LINC00632: variants seen among roughly 807,000 people sequenced by gnomAD.
LINC00632 encodes the protein long independently transcribed non-coding RNA 632.
intron 2 of LINC00632, among the ~76,000 whole-genome samples, chrX:140,729,125 A>G (rs1403345996): frequency 9.0e-6 from 1 of 111,144 alleles, no homozygotes; most frequent in Admixed American, 9.7e-5. Flanking sequence ...AAATTGCATT[A>G]TAATGCAGGC....
chrX:140,717,286 G>A (rs963772231), intron 2 of LINC00632, among the ~76,000 whole-genome samples: 26 of 110,037 alleles, frequency 2.4e-4, no homozygotes, highest in African/African-American at 7.6e-4. Flanking sequence ...TGGCCACAAC[G>A]CATTTTACAC....
rs143559714 is a variant in LINC00632 at position 140,784,205 on chromosome X, G to A, written n.12224G>A. 401 of 1,210,129 alleles carry A rather than the reference G, an allele frequency of 3.3e-4. 1 individual carries two copies. The African/African-American group carries it at 5.8e-3, about 18-fold the overall frequency. On this transcript the variant is annotated non_coding_transcript_exon_variant, in exon 5 of 5. Coordinates refer to ENST00000648200, the Ensembl canonical transcript of LINC00632. ...AATCCGTGTCTTCCAGCAAATCCAC[G>A]TCTTCCAACAAAGCCATGTCTTCCA...
chrX:140,713,863 A>G (rs763118511), intron 2 of LINC00632: 7 of 291,473 alleles, frequency 2.4e-5, no homozygotes, highest in African/African-American at 8.3e-5. Flanking sequence ...ACTATGACAC[A>G]CAGACAATCC....
At chrX:140,725,255 C>T (rs1402077605) in intron 2 of LINC00632, among the ~76,000 whole-genome samples, 4 of 88,295 alleles carry the variant, frequency 4.5e-5, no homozygotes, top group East Asian at 3.9e-4. Context: ...ACACACATTC[C>T]GTACACACAC....
intron 2 of LINC00632, among the ~76,000 whole-genome samples, chrX:140,732,872 T>C (rs1196331832): frequency 9.1e-6 from 1 of 110,103 alleles, no homozygotes; most frequent in African/African-American, 3.3e-5. Context: ...CAAGCAGTTC[T>C]CTGCCTCAGC....
chrX:140,742,999 C>T (rs5907626), intron 3 of LINC00632, among the ~76,000 whole-genome samples: 37,363 of 107,207 alleles, frequency 0.35, 5,804 homozygotes, highest in East Asian at 0.66. Context: ...CCAAGGAGAG[C>T]GGATCATCAG....
At chrX:140,747,889 G>A (rs887860120) in intron 3 of LINC00632, among the ~76,000 whole-genome samples, 3 of 111,705 alleles carry the variant, frequency 2.7e-5, no homozygotes, top group Non-Finnish European at 5.6e-5. Flanking sequence ...GTGCAATGGC[G>A]TGATCTCGGC....
intron 2 of LINC00632, among the ~76,000 whole-genome samples, chrX:140,728,326 G>A (rs1930999689): frequency 9.1e-6 from 1 of 109,936 alleles, no homozygotes; most frequent in Non-Finnish European, 1.9e-5. Context: ...ACAACTTACA[G>A]AGGACACATG....
intron 3 of LINC00632, among the ~76,000 whole-genome samples, chrX:140,770,593 T>C (rs1931773210): frequency 8.9e-6 from 1 of 111,863 alleles, no homozygotes; most frequent in East Asian, 2.8e-4. Flanking sequence ...ACTGATAACA[T>C]TGTATATCTA....
At chrX:140,768,617 CATA>C (rs1430949356) in intron 3 of LINC00632, among the ~76,000 whole-genome samples, 5 of 80,249 alleles carry the variant, frequency 6.2e-5, no homozygotes, top group South Asian at 6.9e-4. Flanking sequence ...ATATTTATCA[CATA>C]ATAAATATAT....
At chrX:140,779,817 T>C (rs1249586507) in exon 5 of LINC00632, among the ~76,000 whole-genome samples, 1 of 111,830 alleles carries the variant, frequency 8.9e-6, no homozygotes, top group Non-Finnish European at 1.9e-5. Flanking sequence ...TACTTGGCAG[T>C]GGTATGGTGA....
chrX:140,782,555 A>G (rs774477513), exon 5 of LINC00632: 2 of 111,735 alleles, frequency 1.8e-5, no homozygotes, highest in East Asian at 2.8e-4. Flanking sequence ...TAATCCTCCA[A>G]TGTCTCCTAT....
intron 3 of LINC00632, among the ~76,000 whole-genome samples, chrX:140,759,319 TCC>T (rs1337942430): frequency 1.9e-4 from 15 of 79,339 alleles, no homozygotes; most frequent in Admixed American, 4.2e-4. Flanking sequence ...CTTCCTTCCT[TCC>T]TTCCTTCCTT....
intron 2 of LINC00632, among the ~76,000 whole-genome samples, chrX:140,723,927 C>T (rs771652996): frequency 2.8e-5 from 3 of 105,376 alleles, no homozygotes; most frequent in Admixed American, 1.0e-4. Context: ...CATACACACA[C>T]ATTCCATACA....
intron 3 of LINC00632, among the ~76,000 whole-genome samples, chrX:140,750,278 G>A (rs903793596): frequency 4.9e-4 from 54 of 110,670 alleles, no homozygotes; most frequent in South Asian, 3.9e-4. Context: ...AGGAGGAGAC[G>A]TTTGTCAAAG....
intron 3 of LINC00632, among the ~76,000 whole-genome samples, chrX:140,748,513 A>G (rs777612060): frequency 4.5e-5 from 5 of 111,337 alleles, no homozygotes; most frequent in Non-Finnish European, 7.5e-5. Context: ...GCTCTCTGAC[A>G]TAATTGCAAT....
At chrX:140,713,628 G>A (rs770042235) in intron 2 of LINC00632, 36 of 340,204 alleles carry the variant, frequency 1.1e-4, no homozygotes, top group Non-Finnish European at 1.9e-4. Context: ...ACAGCACCTA[G>A]ACTCTTCTCA....
At chrX:140,748,151 GAGTAGAC>G (rs1569352554) in intron 3 of LINC00632, among the ~76,000 whole-genome samples, 1 of 111,824 alleles carries the variant, frequency 8.9e-6, no homozygotes, top group Non-Finnish European at 1.9e-5. Context: ...CTAAGGACCA[GAGTAGAC>G]AGTGGATGAC....
chrX:140,770,814 GGTACT>G (rs2035097386), intron 3 of LINC00632, among the ~76,000 whole-genome samples: 1 of 111,894 alleles, frequency 8.9e-6, no homozygotes, highest in African/African-American at 3.2e-5. Context: ...CCGAGAACTT[GGTACT>G]GTTGTTCACT....
Sources: gnomAD v4.1 joint callset for allele counts (sites outside exome capture counted in the v4.1 genomes callset) on GRCh38, gnomAD v4.1.1 for gene constraint, MANE v1.5 for transcripts, NCBI Gene and HGNC (gene_info 2026-07-23, HGNC 2026-07-21) for gene names.